The following TAFA2 variants were observed in gnomAD, a reference collection of about 807,000 sequenced individuals.
TAFA2 encodes TAFA chemokine like family member 2, also known as chemokine-like protein TAFA-2.
TAFA2 carries 7 observed loss-of-function variants against 18.8 expected under a neutral mutation model. The observed-to-expected ratio is 0.37, with a 90% CI of 0.21 to 0.70. The LOEUF (loss-of-function observed/expected upper bound fraction) is 0.70. Among genes scored for constraint, TAFA2 ranks in the 30% least tolerant of loss-of-function variants. TAFA2 has a pLI of 0.53. For missense variants in TAFA2, 122 were observed against 158.1 expected (o/e 0.77, Z 1.23); for synonymous variants, 60 against 54.2 (o/e 1.11, Z -0.47).
intron 1 of TAFA2, among the ~76,000 whole-genome samples, chr12:62,162,559 CT>C (rs1373354585): frequency 1.3e-5 from 2 of 152,066 alleles, no homozygotes; most frequent in African/African-American, 4.8e-5. Flanking sequence ...TCTCTTCTAC[CT>C]TTGTAAAGAG....
chr12:61,857,690 T>C (rs1261117043), intron 2 of TAFA2, among the ~76,000 whole-genome samples: 1 of 152,188 alleles, frequency 6.6e-6, no homozygotes. Context: ...TTCTAGGCTC[T>C]TCCTACTCAG....
upstream of TAFA2, among the ~76,000 whole-genome samples, chr12:62,194,700 A>G (rs11174366): frequency 9.5e-3 from 1,451 of 152,318 alleles, 25 homozygotes; most frequent in African/African-American, 0.033. Context: ...CAAAGGAAAC[A>G]AAGTAGTAAA....
At chr12:61,990,960 A>G (rs1473899501) in intron 1 of TAFA2, among the ~76,000 whole-genome samples, 1 of 152,214 alleles carries the variant, frequency 6.6e-6, no homozygotes, top group African/African-American at 2.4e-5. Context: ...GAAGCAGAAT[A>G]TTTAGGTGAG....
intron 2 of TAFA2, among the ~76,000 whole-genome samples, chr12:61,812,342 C>T (rs1327908494): frequency 1.3e-5 from 2 of 151,482 alleles, no homozygotes; most frequent in Non-Finnish European, 1.5e-5. Context: ...CATCTGATGT[C>T]CTGATTGTAT....
chr12:62,007,703 T>G (rs1172545957), intron 1 of TAFA2, among the ~76,000 whole-genome samples: 3 of 152,194 alleles, frequency 2.0e-5, no homozygotes, highest in Non-Finnish European at 4.4e-5. Flanking sequence ...TTTAAAGTTT[T>G]ACTTTCTTTT....
chr12:62,033,545 A>G (rs1173225392), intron 1 of TAFA2, among the ~76,000 whole-genome samples: 2 of 152,214 alleles, frequency 1.3e-5, no homozygotes, highest in African/African-American at 2.4e-5. Context: ...CACTGACATT[A>G]TCACCTAATT....
intron 1 of TAFA2, among the ~76,000 whole-genome samples, chr12:62,172,245 C>A (rs533522573): frequency 1.3e-5 from 2 of 152,086 alleles, no homozygotes; most frequent in Non-Finnish European, 2.9e-5. Context: ...CTTCCTTCCT[C>A]CCTTCCTTCA....
At chr12:61,846,619 A>T (rs919988923) in intron 2 of TAFA2, among the ~76,000 whole-genome samples, 2 of 152,314 alleles carry the variant, frequency 1.3e-5, no homozygotes, top group African/African-American at 4.8e-5. Context: ...CATAAAATAA[A>T]GGTTAACTTG....
chr12:62,057,722 A>G (rs1002543595), intron 1 of TAFA2, among the ~76,000 whole-genome samples: 24 of 152,342 alleles, frequency 1.6e-4, no homozygotes, highest in African/African-American at 5.8e-4. Context: ...CAAAAAAGAT[A>G]GGAATTTAGG....
intron 1 of TAFA2, among the ~76,000 whole-genome samples, chr12:61,887,285 T>G (rs553281720): frequency 2.6e-5 from 4 of 152,348 alleles, no homozygotes; most frequent in African/African-American, 9.6e-5. Context: ...CCTTGACAGC[T>G]TATTACCTAC....
intron 4 of TAFA2, among the ~76,000 whole-genome samples, chr12:61,721,552 G>A (rs530274755): frequency 2.0e-5 from 3 of 152,284 alleles, no homozygotes; most frequent in African/African-American, 7.2e-5. Context: ...AGCCAACTTT[G>A]TTGCTCTCTA....
chr12:62,117,649 C>A (rs1289374245), intron 1 of TAFA2, among the ~76,000 whole-genome samples: 1 of 151,926 alleles, frequency 6.6e-6, no homozygotes, highest in Non-Finnish European at 1.5e-5. Context: ...TAAGTGAGCA[C>A]CAAGAAAATG....
At chr12:62,115,016 C>G (rs1869899953) in intron 1 of TAFA2, among the ~76,000 whole-genome samples, 1 of 152,104 alleles carries the variant, frequency 6.6e-6, no homozygotes, top group Non-Finnish European at 1.5e-5. Flanking sequence ...GTCATTTAGA[C>G]CAACATTAAA....
intron 2 of TAFA2, among the ~76,000 whole-genome samples, chr12:61,793,449 A>G (rs928708566): frequency 6.6e-6 from 1 of 151,618 alleles, no homozygotes; most frequent in Non-Finnish European, 1.5e-5. Context: ...TATAGATAAT[A>G]AAAGGGAAAA....
intron 1 of TAFA2, among the ~76,000 whole-genome samples, chr12:62,234,026 G>A (rs1270570993): frequency 2.0e-5 from 3 of 152,152 alleles, no homozygotes; most frequent in African/African-American, 7.2e-5. Flanking sequence ...TTTTGTCTAT[G>A]ATCTTTCTGC....
chr12:61,848,691 A>G (rs1015277415), intron 2 of TAFA2, among the ~76,000 whole-genome samples: 1 of 150,958 alleles, frequency 6.6e-6, no homozygotes, highest in Non-Finnish European at 1.5e-5. Context: ...TCCTGTTTGA[A>G]GAAAAAGGAC....
chr12:62,021,151 A>G (rs1373454), intron 1 of TAFA2, among the ~76,000 whole-genome samples: 52,686 of 152,064 alleles, frequency 0.35, 9,533 homozygotes, highest in Non-Finnish European at 0.39. Flanking sequence ...GAACAGAGAA[A>G]CAGATCTATA....
At chr12:61,863,961 T>C (rs1045783478) in intron 2 of TAFA2, among the ~76,000 whole-genome samples, 1 of 152,112 alleles carries the variant, frequency 6.6e-6, no homozygotes, top group Admixed American at 6.5e-5. Context: ...AGATTCCCCA[T>C]AGGAGCAGAC....
At chr12:62,074,076 C>T (rs1002070397) in intron 1 of TAFA2, among the ~76,000 whole-genome samples, 1 of 152,214 alleles carries the variant, frequency 6.6e-6, no homozygotes, top group Non-Finnish European at 1.5e-5. Context: ...AACTATTTCT[C>T]ATTGAATGTA....
Sources: allele counts gnomAD v4.1 joint callset (sites outside exome capture counted in the v4.1 genomes callset), GRCh38; gene constraint gnomAD v4.1.1; transcripts MANE v1.5; gene names NCBI Gene and HGNC (gene_info 2026-07-23, HGNC 2026-07-21).